The following BRIP1 variants were observed in gnomAD, a reference collection of about 807,000 sequenced individuals.
BRIP1 encodes Fanconi anemia group J protein.
Under a neutral mutation model 119.7 loss-of-function variants are expected in BRIP1, and 88 were observed. That is an observed-to-expected ratio of 0.74 (90% confidence interval 0.62 to 0.88). The LOEUF (loss-of-function observed/expected upper bound fraction) is 0.88, where lower values mean the gene tolerates loss of function less well. Ranked by LOEUF, BRIP1 falls within the 40% of genes least tolerant of loss-of-function variation. BRIP1 has a pLI of 0.00. For synonymous variants in BRIP1, 443 were observed against 496.5 expected, an observed-to-expected ratio of 0.89 and a Z score of 1.43; for missense variants, 1,259 against 1,455.4, an observed-to-expected ratio of 0.87 and a Z score of 2.20.
rs1361755200 is a variant in BRIP1 at position 61,758,051 on chromosome 17, T to C, written c.2098-13460A>G. 6.6e-6 allele frequency among the ~76,000 whole-genome samples: 1 copy of C among 152,030 alleles called. No individual in the cohort carries two copies. The highest frequency in any genetic ancestry group is 1.5e-5 in the Non-Finnish European group (1 of 67,992). ...AATAAGAACTCAATACTATGTTATG[T>C]ATGGAACAAATTCTTAACTCTTTGA... On this transcript the variant is annotated intron_variant, in intron 14 of 19. Transcript: ENST00000259008. This position sits in a 1 kb window ranked among gnomAD's most constrained non-coding sequence, Gnocchi z 5.3.
At chr17:61,858,745 A>G (rs1384488704) in intron 3 of BRIP1, among the ~76,000 whole-genome samples, 2 of 152,232 alleles carry the variant, frequency 1.3e-5, no homozygotes, top group Non-Finnish European at 2.9e-5. Context: ...ACATACATAC[A>G]TACATACACA....
At position 61,755,702 on chromosome 17, in the gene BRIP1, C is replaced by T. The variant is rs967716557; in HGVS notation, c.2098-11111G>A. 1.3e-5 allele frequency among the ~76,000 whole-genome samples: 2 copies of T among 152,170 alleles called. No homozygotes were observed. The highest frequency in any genetic ancestry group is 2.4e-5 in the African/African-American group (1 of 41,442). Reference sequence around the variant, plus strand: ...CTAGACTAGTTTTCTCTTGGTGAGACTTTGTTCATTCATTCCTTCCTCCCT... The same window carrying T: ...CTAGACTAGTTTTCTCTTGGTGAGATTTTGTTCATTCATTCCTTCCTCCCT... On this transcript the variant is annotated intron_variant, in intron 14 of 19. Coordinates refer to ENST00000259008, the MANE Select transcript of BRIP1 (RefSeq NM_032043.3). This position sits in a 1 kb window ranked among gnomAD's most constrained non-coding sequence, Gnocchi z 4.5.
At chr17:61,783,141 A>G (rs938689789) in intron 11 of BRIP1, among the ~76,000 whole-genome samples, 4 of 152,214 alleles carry the variant, frequency 2.6e-5, no homozygotes, top group Admixed American at 1.3e-4. Flanking sequence ...GATGAAAACA[A>G]CCCAAATGTC....
In BRIP1 at chr17:61,735,960, T is replaced by C. The variant is rs923435458; in HGVS notation, c.2379+7053A>G. ...TGACCCAGCTAAGCCATGCCCACAC[T>C]TGTGACCAATGGAAACTGAGATAAT... On this transcript the variant is annotated intron_variant, in intron 16 of 19. Transcript: ENST00000259008. The surrounding 1 kb of genome is among the most constrained non-coding windows in gnomAD (Gnocchi z 4.4). Among the ~76,000 whole-genome samples the C allele has an allele frequency of 6.6e-6, 1 of 152,098 alleles. No individual in the cohort carries two copies. The highest frequency in any genetic ancestry group is 2.4e-5 in the African/African-American group (1 of 41,384).
At chr17:61,826,614 T>A (rs2078410929) in intron 6 of BRIP1, among the ~76,000 whole-genome samples, 1 of 150,860 alleles carries the variant, frequency 6.6e-6, no homozygotes, top group Non-Finnish European at 1.5e-5. Context: ...AAGATATATA[T>A]GCAGCCAACA....
rs7212884 is a variant in BRIP1 at position 61,862,437 on chromosome 17, T to C, written c.-31+847A>G. 0.11 allele frequency among the ~76,000 whole-genome samples: 17,445 copies of C among 152,182 alleles called. 3,330 individuals are homozygous for C. The highest frequency in any genetic ancestry group is 0.4 in the African/African-American group (16,412 of 41,448). ...TACTACTTACCTGACAGGGTTTTTATGAAAATTAGCCAGGGCAGAATGTAC... is the reference window on the plus strand; with the variant it reads ...TACTACTTACCTGACAGGGTTTTTACGAAAATTAGCCAGGGCAGAATGTAC... On this transcript the variant is annotated intron_variant, in intron 1 of 19. Coordinates refer to ENST00000259008, the MANE Select transcript of BRIP1 (RefSeq NM_032043.3). The surrounding 1 kb of genome is among the most constrained non-coding windows in gnomAD (Gnocchi z 5.3).
rs2078667608 is a variant in BRIP1 at position 61,842,187 on chromosome 17, A to T, written c.627+4914T>A. Among the ~76,000 whole-genome samples the T allele has an allele frequency of 6.6e-6, 1 of 152,166 alleles. No individual in the cohort carries two copies. Among genetic ancestry groups the T allele is most frequent in the African/African-American group, 2.4e-5 (1 of 41,442 alleles). ...TAAGTGAAATAAGTCAGGCATAGGC[A>T]GGTAAGTACTGTATGTTCTTACTCA... On this transcript the variant is annotated intron_variant, in intron 6 of 19. Transcript: ENST00000259008. The surrounding 1 kb of genome is among the most constrained non-coding windows in gnomAD (Gnocchi z 5.1).
chr17:61,688,895 G>T (rs980927618), intron 18 of BRIP1, among the ~76,000 whole-genome samples: 1 of 151,806 alleles, frequency 6.6e-6, no homozygotes, highest in Admixed American at 6.6e-5. Flanking sequence ...GAACTAAAGA[G>T]ATTTTGGAGC....
rs921985720 is a variant in BRIP1, at chr17:61,861,291, A to T, written c.93+156T>A. On this transcript the variant is annotated intron_variant, in intron 2 of 19. Coordinates refer to ENST00000259008, the MANE Select transcript of BRIP1 (RefSeq NM_032043.3). This position sits in a 1 kb window ranked among gnomAD's most constrained non-coding sequence, Gnocchi z 4.5. Reference sequence around the variant, plus strand: ...CCACAGATATATACAGTTTAGCTGCAATCAGTAGTTTCCCAGAGGTTAGAT... The same window carrying T: ...CCACAGATATATACAGTTTAGCTGCTATCAGTAGTTTCCCAGAGGTTAGAT... Among the ~76,000 whole-genome samples, 1 of 152,214 alleles carries T rather than the reference A, an allele frequency of 6.6e-6. No individual in the cohort carries two copies. The highest frequency in any genetic ancestry group is 2.4e-5 in the African/African-American group (1 of 41,456).
chr17:61,767,708 G>C lies in BRIP1; in HGVS notation c.2097+8693C>G, dbSNP rs1436384713. Among the ~76,000 whole-genome samples the C allele has an allele frequency of 6.6e-6, 1 of 152,108 alleles. No homozygotes were observed. The highest frequency in any genetic ancestry group is 1.5e-5 in the Non-Finnish European group (1 of 68,020). The stretch of plus-strand genomic sequence containing the variant: ...GCCTCCCAAAGTGCTGGGATTACAG[G>C]TGTGAGTCACCGCACCTGGCCCTTA... On this transcript the variant is annotated intron_variant, in intron 14 of 19. Coordinates refer to ENST00000259008, the MANE Select transcript of BRIP1 (RefSeq NM_032043.3). The surrounding 1 kb of genome is among the most constrained non-coding windows in gnomAD (Gnocchi z 5.7).
rs1332952056 is a variant in BRIP1 at position 61,793,528 on chromosome 17, TG to T, written c.1473+68del. ...TCTGGGTTACTCACTAGATTTAATC[TG>T]GATTTAGTCACGACTAAATCACTTC... On this transcript the variant is annotated intron_variant, in intron 10 of 19. Coordinates refer to ENST00000259008, the MANE Select transcript of BRIP1 (RefSeq NM_032043.3). The surrounding 1 kb of genome is among the most constrained non-coding windows in gnomAD (Gnocchi z 5.2). 2 of 1,450,632 alleles carry T rather than the reference TG, an allele frequency of 1.4e-6. No individual in the cohort carries two copies. Among genetic ancestry groups the T allele is most frequent in the Non-Finnish European group, 1.9e-6 (2 of 1,057,022 alleles). The allele number at this position is 1,450,632 out of a possible 1,614,324, so 89.9% of individuals were successfully genotyped here.
chr17:61,747,533 G>A (rs2077074223), intron 14 of BRIP1, among the ~76,000 whole-genome samples: 1 of 151,278 alleles, frequency 6.6e-6, no homozygotes, highest in Non-Finnish European at 1.5e-5. Context: ...AGATGAAATG[G>A]ACAAATTCCT....
At chr17:61,766,092 G>T (rs1372687070) in intron 14 of BRIP1, among the ~76,000 whole-genome samples, 1 of 152,018 alleles carries the variant, frequency 6.6e-6, no homozygotes, top group African/African-American at 2.4e-5. Flanking sequence ...AAAATAATAG[G>T]TCAAATTAAT....
intron 4 of BRIP1, among the ~76,000 whole-genome samples, chr17:61,850,149 C>T (rs989456349): frequency 1.3e-5 from 2 of 148,886 alleles, no homozygotes; most frequent in Admixed American, 1.3e-4. Context: ...GTTGCCCAGG[C>T]TGAAGTGCAA....
In BRIP1 at chr17:61,805,463, C is replaced by T. The variant is rs2078060675; in HGVS notation, c.918+3004G>A. ...ATACTGTGTCAACTTCTCCCTACCT[C>T]AATGCCATCTTTGGATTTTGTTTCT... On this transcript the variant is annotated intron_variant, in intron 7 of 19. Coordinates refer to ENST00000259008, the MANE Select transcript of BRIP1 (RefSeq NM_032043.3). This position sits in a 1 kb window ranked among gnomAD's most constrained non-coding sequence, Gnocchi z 5.6. 6.6e-6 allele frequency among the ~76,000 whole-genome samples: 1 copy of T among 152,202 alleles called. No individual in the cohort carries two copies. Among genetic ancestry groups the T allele is most frequent in the South Asian group, 2.1e-4 (1 of 4,832 alleles).
rs786203224 is a variant in BRIP1 at position 61,684,132 on chromosome 17, C to T, written c.2914G>A (p.Val972Ile). ...IISRKEKNDP[V>I]FLEEAGKAEK... The stretch of plus-strand genomic sequence containing the variant: ...GCTTTCCCTGCTTCTTCCAGGAATA[C>T]TGGATCATCTAAGAATACAAGAATT... The change falls in exon 20 of 20, where the codon GTA becomes ATA. Residue 972 changes from valine to isoleucine, a missense_variant. By Grantham distance (29) the Val-to-Ile change is conservative. Transcript: ENST00000259008. The surrounding 1 kb of genome is among the most constrained non-coding windows in gnomAD (Gnocchi z 4.5). The T allele has an allele frequency of 3.1e-6, 5 of 1,613,574 alleles. No individual in the cohort carries two copies. The highest frequency in any genetic ancestry group is 4.2e-6 in the Non-Finnish European group (5 of 1,179,764).
At chr17:61,728,313 CAAA>C (rs1338661426) in intron 16 of BRIP1, among the ~76,000 whole-genome samples, 2 of 113,204 alleles carry the variant, frequency 1.8e-5, no homozygotes, top group Non-Finnish European at 3.8e-5. Context: ...TTCAATAAGT[CAAA>C]AAAAAAAAAA....
At chr17:61,820,374 G>T (rs1222658591) in intron 6 of BRIP1, among the ~76,000 whole-genome samples, 2 of 152,128 alleles carry the variant, frequency 1.3e-5, no homozygotes, top group African/African-American at 4.8e-5. Context: ...TGGCTACACA[G>T]AGTTTTATAA....
intron 10 of BRIP1, among the ~76,000 whole-genome samples, chr17:61,791,216 C>CGGTG (rs1567823299): frequency 6.6e-6 from 1 of 151,974 alleles, no homozygotes; most frequent in Non-Finnish European, 1.5e-5. Flanking sequence ...TAGCCAGGCA[C>CGGTG]GGTGACTCAC....
Sources: allele counts gnomAD v4.1 joint callset (sites outside exome capture counted in the v4.1 genomes callset), GRCh38; gene constraint gnomAD v4.1.1; non-coding constraint Gnocchi (gnomAD v3.1); transcripts MANE v1.5; gene names NCBI Gene and HGNC (gene_info 2026-07-23, HGNC 2026-07-21).